FBXO8: variants seen among roughly 807,000 people sequenced by gnomAD.
FBXO8 encodes the protein F-box protein 8.
In FBXO8, 15 loss-of-function variants were observed where a neutral mutation model predicts 33.4. The ratio of observed to expected loss-of-function variants is 0.45; its 90% confidence interval spans 0.30 to 0.69. The LOEUF is 0.69. FBXO8 is among the 30% of genes least tolerant of loss of function. FBXO8 has a pLI of 0.08. For synonymous variants in FBXO8, 132 were observed against 131.5 expected (o/e 1.00, Z -0.02); for missense variants, 274 against 380.3 (o/e 0.72, Z 2.32).
At position 174,255,777 on chromosome 4, in the gene FBXO8, A is replaced by C. The variant is rs558991201; in HGVS notation, c.456+3922T>G. On this transcript the variant is annotated intron_variant, in intron 3 of 5. Coordinates refer to ENST00000393674, the MANE Select transcript of FBXO8 (RefSeq NM_012180.3). This position sits in a 1 kb window ranked among gnomAD's most constrained non-coding sequence, Gnocchi z 4.3. ...TTTTAATATACATTGGAGCACAAGT[A>C]ATATAGTTTACTGGTTGTTAAATAA... is the stretch of plus-strand genomic sequence containing the variant. 6.6e-5 allele frequency among the ~76,000 whole-genome samples: 10 copies of C among 152,348 alleles called. No homozygotes were observed. In the South Asian group the frequency reaches 2.1e-3, roughly 32 times the overall value.
intron 3 of FBXO8, among the ~76,000 whole-genome samples, chr4:174,243,956 C>A (rs1736102549): frequency 6.6e-6 from 1 of 151,326 alleles, no homozygotes; most frequent in Non-Finnish European, 1.5e-5. Context: ...GAAATCAAGA[C>A]CTGGTGAGAT....
Position 174,239,177 on chromosome 4 carries a change from C to T in FBXO8, c.589G>A (p.Asp197Asn). 6.4e-7 allele frequency: 1 copy of T among 1,572,116 alleles called. No individual in the cohort carries two copies. The highest frequency in any genetic ancestry group is 8.6e-7 in the Non-Finnish European group (1 of 1,157,554). The change falls in exon 5 of 6, where the codon GAT becomes AAT. Residue 197 changes from aspartate to asparagine, a missense_variant. Coordinates refer to ENST00000393674, the MANE Select transcript of FBXO8 (RefSeq NM_012180.3). ...AAATTATGCAATGTTACAAGGTCAT[C>T]CAAGACATCTCTCCTACAGAAAGAA... ...IYLDERRDVL[D>N]DLVTLHNFRN...
chr4:174,241,236 G>A lies in FBXO8; in HGVS notation c.457-18C>T. On this transcript the variant is annotated intron_variant, in intron 3 of 5. Coordinates refer to ENST00000393674, the MANE Select transcript of FBXO8 (RefSeq NM_012180.3). The surrounding 1 kb of genome is among the most constrained non-coding windows in gnomAD (Gnocchi z 4.2). ...TTCACTCCCTAAGGCAGAAAGACAA[G>A]TCTACATAAATAAAATTGCTCTTTA... 1 of 1,437,050 alleles carries A rather than the reference G, an allele frequency of 7.0e-7. No homozygotes were observed. Among genetic ancestry groups the A allele is most frequent in the Admixed American group, 1.9e-5 (1 of 52,056 alleles). 89.0% of individuals were successfully genotyped at this position (1,437,050 alleles called of 1,614,324 possible).
Position 174,252,370 on chromosome 4 carries a change from G to T in FBXO8, c.456+7329C>A, listed in dbSNP as rs567017377. On this transcript the variant is annotated intron_variant, in intron 3 of 5. Transcript: ENST00000393674. The surrounding 1 kb of genome is among the most constrained non-coding windows in gnomAD (Gnocchi z 5.1). ...AGCAATAATACATCAAGATGTTTTT[G>T]GTTATAAACAACAGGAGACCTAGTT... Among the ~76,000 whole-genome samples the T allele has an allele frequency of 2.0e-5, 3 of 152,162 alleles. No individual in the cohort carries two copies. Among genetic ancestry groups the T allele is most frequent in the Non-Finnish European group, 2.9e-5 (2 of 68,002 alleles).
At position 174,277,637 on chromosome 4, in the gene FBXO8, T is replaced by C. The variant is rs1463211862; in HGVS notation, c.-9+5773A>G. 6.6e-6 allele frequency among the ~76,000 whole-genome samples: 1 copy of C among 152,170 alleles called. No homozygotes were observed. The highest frequency in any genetic ancestry group is 6.5e-5 in the Admixed American group (1 of 15,282). Reference sequence around the variant, plus strand: ...AAAGCTTTTACTGAGCAAACGGTGTTAAATCATTGGTATGTAATGACTGAC... The same window carrying C: ...AAAGCTTTTACTGAGCAAACGGTGTCAAATCATTGGTATGTAATGACTGAC... On this transcript the variant is annotated intron_variant, in intron 1 of 5. Transcript: ENST00000393674. The surrounding 1 kb of genome is among the most constrained non-coding windows in gnomAD (Gnocchi z 4.9).
chr4:174,273,633 T>G (rs1039317380), intron 1 of FBXO8, among the ~76,000 whole-genome samples: 1 of 152,166 alleles, frequency 6.6e-6, no homozygotes, highest in African/African-American at 2.4e-5. Flanking sequence ...TACTCCAAAA[T>G]GGTTCAGCAA....
rs916535672 is a variant in FBXO8 at position 174,254,818 on chromosome 4, GAGA to G, written c.456+4878_456+4880del. 1.3e-5 allele frequency among the ~76,000 whole-genome samples: 2 copies of G among 152,102 alleles called. No individual in the cohort carries two copies. Among genetic ancestry groups the G allele is most frequent in the Non-Finnish European group, 2.9e-5 (2 of 67,998 alleles). The stretch of plus-strand genomic sequence containing the variant: ...TACAGACCCACAGACTTTGATAAGA[GAGA>G]AGATTACATCAGATAACTGCAAGTG... On this transcript the variant is annotated intron_variant, in intron 3 of 5. Transcript: ENST00000393674. The surrounding 1 kb of genome is among the most constrained non-coding windows in gnomAD (Gnocchi z 4.2).
At chr4:174,271,323 C>G (rs1461242886) in intron 1 of FBXO8, among the ~76,000 whole-genome samples, 1 of 151,984 alleles carries the variant, frequency 6.6e-6, no homozygotes, top group Non-Finnish European at 1.5e-5. Context: ...GCTTGGGAGT[C>G]CAAAACATAG....
rs541638329 is a variant in FBXO8 at position 174,256,098 on chromosome 4, A to G, written c.456+3601T>C. On this transcript the variant is annotated intron_variant, in intron 3 of 5. Coordinates refer to ENST00000393674, the MANE Select transcript of FBXO8 (RefSeq NM_012180.3). The surrounding 1 kb of genome is among the most constrained non-coding windows in gnomAD (Gnocchi z 4.6). ...CAGCTGCTGTGGAGCTTGGTTACCC[A>G]TATCCGTGACATGAACGGTGTCCTT... 1 of 456,082 alleles carries G rather than the reference A, an allele frequency of 2.2e-6. No individual in the cohort carries two copies. Among genetic ancestry groups the G allele is most frequent in the Non-Finnish European group, 4.4e-6 (1 of 226,860 alleles). 28.3% of individuals were successfully genotyped at this position (456,082 alleles called of 1,614,324 possible). A position where few individuals can be genotyped will look rare whatever the true frequency, so the allele number is the denominator to read the frequency against.
At chr4:174,266,437 A>G (rs1219581749) in intron 1 of FBXO8, among the ~76,000 whole-genome samples, 1 of 152,190 alleles carries the variant, frequency 6.6e-6, no homozygotes, top group Non-Finnish European at 1.5e-5. Flanking sequence ...CACAGTAATG[A>G]TAAAGCACTC....
At chr4:174,248,777 G>A (rs946615511) in intron 3 of FBXO8, among the ~76,000 whole-genome samples, 2 of 151,996 alleles carry the variant, frequency 1.3e-5, no homozygotes, top group Admixed American at 1.3e-4. Context: ...ATGATTTATG[G>A]AAGACTTTTC....
At position 174,263,242 on chromosome 4, in the gene FBXO8, A is replaced by G. The variant is rs2126438019; in HGVS notation, c.-8-142T>C. On this transcript the variant is annotated intron_variant, in intron 1 of 5. Coordinates refer to ENST00000393674, the MANE Select transcript of FBXO8 (RefSeq NM_012180.3). The surrounding 1 kb of genome is among the most constrained non-coding windows in gnomAD (Gnocchi z 4.2). The stretch of plus-strand genomic sequence containing the variant: ...AACCTACTAAAACCAGAAGTATATT[A>G]CTAAGAATAGCTGGAAAATTATAAG... 1 of 753,428 alleles carries G rather than the reference A, an allele frequency of 1.3e-6. No homozygotes were observed. The highest frequency in any genetic ancestry group is 3.6e-4 in the Middle Eastern group (1 of 2,744). The allele number at this position is 753,428 out of a possible 1,614,324, so 46.7% of individuals were successfully genotyped here.
At chr4:174,276,247 G>GT (rs562273248) in intron 1 of FBXO8, among the ~76,000 whole-genome samples, 4 of 152,170 alleles carry the variant, frequency 2.6e-5, no homozygotes, top group African/African-American at 9.6e-5. Context: ...GAGCCAACTT[G>GT]TTTTTTCTGA....
In FBXO8 at chr4:174,256,014, C is replaced by A; in HGVS notation, c.456+3685G>T. On this transcript the variant is annotated intron_variant, in intron 3 of 5. Coordinates refer to ENST00000393674, the MANE Select transcript of FBXO8 (RefSeq NM_012180.3). This position sits in a 1 kb window ranked among gnomAD's most constrained non-coding sequence, Gnocchi z 4.6. ...TGTCATGCATAGTACAACAGCGTGC[C>A]AGATTATCGTACCACAAACTGTGCA... 2.2e-6 allele frequency: 1 copy of A among 452,516 alleles called. No homozygotes were observed. Among genetic ancestry groups the A allele is most frequent in the Non-Finnish European group, 4.4e-6 (1 of 225,484 alleles). The allele number at this position is 452,516 out of a possible 1,614,324, so 28.0% of individuals were successfully genotyped here. A position where few individuals can be genotyped will look rare whatever the true frequency, so the allele number is the denominator to read the frequency against.
rs1192757228 is a variant in FBXO8, at chr4:174,265,402, A to C, written c.-8-2302T>G. Among the ~76,000 whole-genome samples, 5 of 152,152 alleles carry C rather than the reference A, an allele frequency of 3.3e-5. No individual in the cohort carries two copies. Among genetic ancestry groups the C allele is most frequent in the Admixed American group, 3.3e-4 (5 of 15,262 alleles). The stretch of plus-strand genomic sequence containing the variant: ...CACAAAAACCTACACGTGAATGTTT[A>C]AAGCAGTTTTGGTAATTAATTTTCA... On this transcript the variant is annotated intron_variant, in intron 1 of 5. Coordinates refer to ENST00000393674, the MANE Select transcript of FBXO8 (RefSeq NM_012180.3). The surrounding 1 kb of genome is among the most constrained non-coding windows in gnomAD (Gnocchi z 4.7).
At chr4:174,266,207 G>A (rs373499207) in intron 1 of FBXO8, among the ~76,000 whole-genome samples, 2 of 151,996 alleles carry the variant, frequency 1.3e-5, no homozygotes, top group Admixed American at 6.5e-5. Flanking sequence ...GAAAGCATCC[G>A]GCAGGTAGAA....
rs143134642 is a variant in FBXO8, at chr4:174,262,947, C to T, written c.146G>A (p.Gly49Glu). The change falls in exon 2 of 6, where the codon GGA (glycine) becomes GAA (glutamate). Residue 49 changes from glycine to glutamate, a missense_variant. Around this residue, in one of 2 missense-constraint regions of FBXO8, gnomAD observed 88 missense variants for 86.9 expected, o/e 1.01. Transcript: ENST00000393674. The surrounding 1 kb of genome is among the most constrained non-coding windows in gnomAD (Gnocchi z 4.6). ...CAAAAGATGATATATGTCAATGCCT[C>T]CTTGGACTTGTTTACGATGATTGGT... ...SNTNHRKQVQGGIDIYHLLKA... is the reference protein window; with the variant it reads ...SNTNHRKQVQEGIDIYHLLKA... 3.1e-6 allele frequency: 5 copies of T among 1,613,902 alleles called. No individual in the cohort carries two copies. Among genetic ancestry groups the T allele is most frequent in the Non-Finnish European group, 4.2e-6 (5 of 1,179,934 alleles).
chr4:174,272,003 C>T lies in FBXO8; in HGVS notation c.-8-8903G>A. 6.6e-6 allele frequency among the ~76,000 whole-genome samples: 1 copy of T among 152,128 alleles called. No individual in the cohort carries two copies. Among genetic ancestry groups the T allele is most frequent in the Non-Finnish European group, 1.5e-5 (1 of 68,028 alleles). On this transcript the variant is annotated intron_variant, in intron 1 of 5. Transcript: ENST00000393674. This position sits in a 1 kb window ranked among gnomAD's most constrained non-coding sequence, Gnocchi z 4.7. ...TACCTTTCCAGTTTACTTGGGACCCCCTTAGGGGCTACAAAGAAACTCCTA... is the reference window on the plus strand; with the variant it reads ...TACCTTTCCAGTTTACTTGGGACCCTCTTAGGGGCTACAAAGAAACTCCTA...
Position 174,256,798 on chromosome 4 carries a change from C to T in FBXO8, c.456+2901G>A, listed in dbSNP as rs1053693948. Among the ~76,000 whole-genome samples, 4 of 152,004 alleles carry T rather than the reference C, an allele frequency of 2.6e-5. No homozygotes were observed. The highest frequency in any genetic ancestry group is 3.9e-4 in the East Asian group (2 of 5,180). On this transcript the variant is annotated intron_variant, in intron 3 of 5. Transcript: ENST00000393674. This position sits in a 1 kb window ranked among gnomAD's most constrained non-coding sequence, Gnocchi z 4.6. ...GCATAGAATCAGAATTTTGGAACCT[C>T]AAGACACATTGAGTGGCTCAGCTCT...
Sources: allele counts gnomAD v4.1 joint callset (sites outside exome capture counted in the v4.1 genomes callset), GRCh38; gene constraint gnomAD v4.1.1; regional missense constraint gnomAD v4.1.1; non-coding constraint Gnocchi (gnomAD v3.1); transcripts MANE v1.5; gene names NCBI Gene and HGNC (gene_info 2026-07-23, HGNC 2026-07-21).